The following ART1 variants were observed in gnomAD, a reference collection of about 807,000 sequenced individuals.
The protein encoded by ART1 is ADP-ribosyltransferase 1.
In ART1, 29 loss-of-function variants were observed where a neutral mutation model predicts 27.0. That is an observed-to-expected ratio of 1.08 (90% CI 0.80 to 1.47). The LOEUF is 1.47. ART1 is among the 40% of genes most tolerant of loss of function. The pLI is 0.00. For missense variants in ART1, 480 were observed against 423.0 expected (o/e 1.13, Z -1.18); for synonymous variants, 201 against 172.2 (o/e 1.17, Z -1.31).
At chr11:3,658,204 G>A (rs1169045377) in intron 1 of ART1, among the ~76,000 whole-genome samples, 1 of 151,744 alleles carries the variant, frequency 6.6e-6, no homozygotes, top group African/African-American at 2.4e-5. Context: ...GTGGAGGCGG[G>A]CACCTCTAGT....
chr11:3,645,926 G>A (rs749164680), intron 1 of ART1, among the ~76,000 whole-genome samples: 175 of 152,256 alleles, frequency 1.1e-3, no homozygotes, highest in Non-Finnish European at 2.2e-3. Flanking sequence ...CCACGGAGCC[G>A]CACCTGCGAC....
chr11:3,655,188 C>G (rs1427428054), intron 1 of ART1, among the ~76,000 whole-genome samples: 1 of 152,114 alleles, frequency 6.6e-6, no homozygotes, highest in East Asian at 1.9e-4. Context: ...TTCTGGGGGT[C>G]CAGACTAAAG....
chr11:3,652,064 T>C (rs1048152947), intron 1 of ART1, among the ~76,000 whole-genome samples: 1 of 151,710 alleles, frequency 6.6e-6, no homozygotes, highest in Admixed American at 6.6e-5. Context: ...CAGTGTTCCA[T>C]CTGCTATTCT....
chr11:3,664,179 G>A lies in ART1; in HGVS notation c.974G>A (p.Gly325Asp). The part of the protein sequence containing the change: ...LVVRAFPDGP[G>D]LL ...GTGAGGGCCTTTCCAGATGGTCCAG[G>A]CCTCCTTTGATGCATGAGACACGGG... The change falls in exon 5 of 5, where the codon GGC becomes GAC. Residue 325 changes from glycine to aspartate, a missense_variant. Transcript: ENST00000250693. 6.2e-7 allele frequency: 1 copy of A among 1,613,732 alleles called. No homozygotes were observed. The highest frequency in any genetic ancestry group is 8.5e-7 in the Non-Finnish European group (1 of 1,179,992).
chr11:3,656,611 A>G (rs2077577877), intron 1 of ART1, among the ~76,000 whole-genome samples: 1 of 151,890 alleles, frequency 6.6e-6, no homozygotes, highest in South Asian at 2.1e-4. Flanking sequence ...TGAACTCCTG[A>G]CTTCAGGTGA....
At chr11:3,660,480 T>G in intron 3 of ART1, 117 bp downstream of exon 3, 1 of 1,227,052 alleles carries the variant, frequency 8.1e-7, no homozygotes, top group Non-Finnish European at 1.1e-6. Flanking sequence ...TAAATACAAG[T>G]CATATCCACC....
chr11:3,662,308 G>A (rs1564786715), intron 4 of ART1, among the ~76,000 whole-genome samples: 2 of 152,150 alleles, frequency 1.3e-5, no homozygotes, highest in African/African-American at 2.4e-5. Context: ...CGGACACTTG[G>A]TGTGCCAAGG....
At chr11:3,663,592 A>T (rs1490474854) in intron 4 of ART1, among the ~76,000 whole-genome samples, 2 of 152,000 alleles carry the variant, frequency 1.3e-5, no homozygotes, top group Non-Finnish European at 2.9e-5. Flanking sequence ...ATTCTTTATT[A>T]AAAAAATTTT....
chr11:3,652,933 T>C (rs1178309869), intron 1 of ART1, among the ~76,000 whole-genome samples: 1 of 149,048 alleles, frequency 6.7e-6, no homozygotes, highest in Non-Finnish European at 1.5e-5. Flanking sequence ...ATACCTGTTT[T>C]TCTCCTTCTC....
chr11:3,660,063 C>G lies in ART1; in HGVS notation c.544C>G (p.His182Asp). The G allele has an allele frequency of 6.2e-7, 1 of 1,613,576 alleles. No homozygotes were observed. Among genetic ancestry groups the G allele is most frequent in the Non-Finnish European group, 8.5e-7 (1 of 1,179,912 alleles). Residue 182 changes from histidine (H) to aspartate (D), a missense_variant, in exon 3 of 5, where the codon CAC (histidine) becomes GAC (aspartate). By Grantham distance (81) the His-to-Asp change is moderately conservative. Coordinates refer to ENST00000250693, the MANE Select transcript of ART1 (RefSeq NM_004314.3). ...PRCHQVFRGV[H>D]GLRFRPAGPR... The stretch of plus-strand genomic sequence containing the variant: ...GTGCCACCAGGTGTTCCGAGGTGTG[C>G]ACGGCCTGCGCTTCCGGCCAGCAGG...
chr11:3,655,186 G>A (rs548988351), intron 1 of ART1, among the ~76,000 whole-genome samples: 2 of 152,298 alleles, frequency 1.3e-5, no homozygotes, highest in South Asian at 2.1e-4. Flanking sequence ...CATTCTGGGG[G>A]TCCAGACTAA....
intron 1 of ART1, among the ~76,000 whole-genome samples, chr11:3,653,694 T>A (rs2077547523): frequency 6.6e-6 from 1 of 152,170 alleles, no homozygotes; most frequent in Non-Finnish European, 1.5e-5. Context: ...TGTTTCTAGT[T>A]TAAAGAATGG....
chr11:3,659,656 T>C lies in ART1; in HGVS notation c.137T>C (p.Phe46Ser). Residue 46 changes from phenylalanine to serine, a missense_variant, in exon 3 of 5, where the codon TTT becomes TCT. Transcript: ENST00000250693. Reference sequence around the variant, plus strand: ...CAGCTGGACATGGCCCTGGCCTCCTTTGATGACCAGTACGCTGGCTGTGCT... The same window carrying C: ...CAGCTGGACATGGCCCTGGCCTCCTCTGATGACCAGTACGCTGGCTGTGCT... The part of the protein sequence containing the change: ...EIQLDMALAS[F>S]DDQYAGCAAA... The C allele has an allele frequency of 1.2e-6, 2 of 1,613,852 alleles. No homozygotes were observed. Among genetic ancestry groups the C allele is most frequent in the Non-Finnish European group, 1.7e-6 (2 of 1,180,018 alleles).
At chr11:3,645,711 C>T (rs1192309801) in intron 1 of ART1, among the ~76,000 whole-genome samples, 1 of 152,146 alleles carries the variant, frequency 6.6e-6, no homozygotes, top group Non-Finnish European at 1.5e-5. Flanking sequence ...AACTCACTGG[C>T]CAGAAGAGGA....
rs2280134 is a variant in ART1, at chr11:3,660,289, T to C, written c.770T>C (p.Leu257Pro). The C allele has an allele frequency of 0.66, 1,056,558 of 1,610,532 alleles. 351,546 individuals carry two copies. The highest frequency in any genetic ancestry group is 0.83 in the Admixed American group (49,987 of 60,006). Residue 257 changes from leucine to proline, a missense_variant, in exon 3 of 5, where the codon CTG (leucine) becomes CCG (proline). By Grantham distance (98) the Leu-to-Pro change is moderately conservative. Transcript: ENST00000250693. ...ETFQVINASR[L>P]AQGPARIYLR... The stretch of plus-strand genomic sequence containing the variant: ...TTCCAAGTGATCAATGCCAGCAGAC[T>C]GGCCCAGGGCCCCGCCCGCATCTAC...
At chr11:3,645,433 G>A (rs1254512642) in intron 1 of ART1, among the ~76,000 whole-genome samples, 6 of 152,116 alleles carry the variant, frequency 3.9e-5, no homozygotes, top group East Asian at 3.8e-4. Context: ...GAATTGCTCC[G>A]AGCAGGATGA....
In ART1 at chr11:3,664,150, C is replaced by T. The variant is rs36041658; in HGVS notation, c.945C>T (p.Leu315=). ...CTTTGCTGCTGCTGCTCTGGTTCCT[C>T]GTGGTGAGGGCCTTTCCAGATGGTC... is the stretch of plus-strand genomic sequence containing the variant. ...VWSLLLLLWF[L]VVRAFPDGPG... Residue 315 remains leucine, a synonymous_variant, in exon 5 of 5, where the codon CTC becomes CTT. Coordinates refer to ENST00000250693, the MANE Select transcript of ART1 (RefSeq NM_004314.3). 1.6e-3 allele frequency: 2,655 copies of T among 1,614,028 alleles called. 38 individuals are homozygous for T. The African/African-American group carries it at 0.027, about 16-fold the overall frequency.
chr11:3,656,359 T>TTTATTTA (rs1341952186), intron 1 of ART1, among the ~76,000 whole-genome samples: 1 of 78,442 alleles, frequency 1.3e-5, no homozygotes, highest in African/African-American at 4.1e-5. Context: ...GCCTGGCTTA[T>TTTATTTA]TTATTTATTT....
At chr11:3,658,901 A>G (rs2077595363) in intron 1 of ART1, among the ~76,000 whole-genome samples, 1 of 152,038 alleles carries the variant, frequency 6.6e-6, no homozygotes, top group Non-Finnish European at 1.5e-5. Flanking sequence ...CTGCTGCACA[A>G]AAGTCCTTTC....
Sources: allele counts gnomAD v4.1 joint callset (sites outside exome capture counted in the v4.1 genomes callset), GRCh38; gene constraint gnomAD v4.1.1; transcripts MANE v1.5; gene names NCBI Gene and HGNC (gene_info 2026-07-23, HGNC 2026-07-21).